The following RBPJ variants were observed in gnomAD, a reference collection of about 807,000 sequenced individuals.
RBPJ encodes the protein recombination signal binding protein for immunoglobulin kappa J region, also known as recombining binding protein suppressor of hairless.
A neutral mutation model predicts 67.8 loss-of-function variants in RBPJ; 9 were observed. The ratio of observed to expected loss-of-function variants is 0.13; its 90% CI spans 0.08 to 0.23. The LOEUF is 0.23. Among genes scored for constraint, RBPJ ranks in the 10% least tolerant of loss-of-function variants. The pLI is 1.00. For missense variants in RBPJ, 305 were observed against 595.6 expected (o/e 0.51, Z 5.08); for synonymous variants, 198 against 203.3 (o/e 0.97, Z 0.22).
chr4:26,144,610 A>C, the RBPJ span, among the ~76,000 whole-genome samples: 1 of 152,142 alleles, frequency 6.6e-6, no homozygotes, highest in Non-Finnish European at 1.5e-5. Context: ...AACCTTCTAA[A>C]TTCCAGAAAG....
chr4:26,270,441 A>AAAGAAAGAAAGAAAGAAAG (rs1577375958), intron 1 of RBPJ, among the ~76,000 whole-genome samples: 27 of 116,384 alleles, frequency 2.3e-4, no homozygotes, highest in South Asian at 5.5e-4. Context: ...AAGAAAGAAG[A>AAAGAAAGAAAGAAAGAAAG]AAGAAAGAAA....
At chr4:26,159,425 A>G (rs576860121), upstream of RBPJ, among the ~76,000 whole-genome samples, 22 of 152,286 alleles carry the variant, frequency 1.4e-4, no homozygotes, top group African/African-American at 3.6e-4. Flanking sequence ...CTTATTAACA[A>G]TGATTAGAAA....
intron 1 of RBPJ, among the ~76,000 whole-genome samples, chr4:26,297,581 C>A (rs115465874): frequency 6.6e-6 from 1 of 151,772 alleles, no homozygotes; most frequent in Non-Finnish European, 1.5e-5. Flanking sequence ...GTCCAAGTGG[C>A]GACTGGCTAA....
At chr4:26,388,604 ACTCTCTCTCT>A (rs60945391) in intron 2 of RBPJ, among the ~76,000 whole-genome samples, 1 of 150,182 alleles carries the variant, frequency 6.7e-6, no homozygotes, top group Non-Finnish European at 1.5e-5. Flanking sequence ...TTACACACAC[ACTCTCTCTCT>A]CTCTCTCTCT....
intron 1 of RBPJ, among the ~76,000 whole-genome samples, chr4:26,272,961 G>A (rs920916677): frequency 6.6e-6 from 1 of 152,198 alleles, no homozygotes; most frequent in Non-Finnish European, 1.5e-5. Context: ...TGGAATCCCT[G>A]TTAATACCTT....
rs145338952 is a variant in RBPJ, at chr4:26,245,328, C to G, written c.-167+81714C>G. On this transcript the variant is annotated intron_variant, in intron 1 of 4. Coordinates refer to the RBPJ transcript ENST00000512351. ...GGTTCAAGCAATTCTTCTGCCTCAG[C>G]CTCCTAAGTAGCTGAGACTACAGGC... Among the ~76,000 whole-genome samples, 721 of 151,716 alleles carry G rather than the reference C, an allele frequency of 4.8e-3. 4 individuals are homozygous for G. The highest frequency in any genetic ancestry group is 0.017 in the African/African-American group (693 of 41,330).
At chr4:26,148,542 T>C in the RBPJ span, among the ~76,000 whole-genome samples, 281 of 152,240 alleles carry the variant, frequency 1.8e-3, 1 homozygote, top group African/African-American at 6.4e-3. Flanking sequence ...CAAGTGAACA[T>C]GGCAGACAAC....
At chr4:26,353,040 G>A (rs566778777) in intron 1 of RBPJ, among the ~76,000 whole-genome samples, 5 of 152,296 alleles carry the variant, frequency 3.3e-5, no homozygotes, top group African/African-American at 9.6e-5. Context: ...AGCAAAACCC[G>A]GTGGAAAGTG....
intron 1 of RBPJ, among the ~76,000 whole-genome samples, chr4:26,358,610 C>CA (rs771623602): frequency 0.041 from 1,707 of 41,674 alleles, 31 homozygotes; most frequent in Admixed American, 0.06. Context: ...CCCATCTCTG[C>CA]AAAAAAAAAA....
At chr4:26,137,233 T>A in the RBPJ span, among the ~76,000 whole-genome samples, 4 of 152,154 alleles carry the variant, frequency 2.6e-5, no homozygotes, top group Non-Finnish European at 5.9e-5. Context: ...CTGGGATGTT[T>A]TCCCACCCCA....
intron 1 of RBPJ, among the ~76,000 whole-genome samples, chr4:26,338,745 T>G (rs941334764): frequency 6.6e-6 from 1 of 152,024 alleles, no homozygotes; most frequent in Non-Finnish European, 1.5e-5. Flanking sequence ...CGGCTAATTT[T>G]TGTATTTTTA....
At chr4:26,105,487 G>C in the RBPJ span, among the ~76,000 whole-genome samples, 1 of 152,094 alleles carries the variant, frequency 6.6e-6, no homozygotes, top group East Asian at 1.9e-4. Context: ...AATCTCAAGA[G>C]ATTCAGAAGC....
intron 1 of RBPJ, among the ~76,000 whole-genome samples, chr4:26,365,154 T>C (rs1437339012): frequency 1.3e-5 from 2 of 151,956 alleles, no homozygotes; most frequent in South Asian, 2.1e-4. Flanking sequence ...AGGAAGCCAG[T>C]GTCAGATTAA....
upstream of RBPJ, among the ~76,000 whole-genome samples, chr4:26,319,012 A>C (rs1411071707): frequency 2.0e-5 from 3 of 151,424 alleles, no homozygotes; most frequent in African/African-American, 7.3e-5. Flanking sequence ...AAAAAAAAAA[A>C]AAAAAAAAAG....
intron 3 of RBPJ, chr4:26,413,093 G>T (rs1321579174): frequency 6.6e-6 from 1 of 152,386 alleles, no homozygotes; most frequent in East Asian, 1.9e-4. Flanking sequence ...GGGCCTCCTT[G>T]GTCTACTTGT....
chr4:26,316,386 C>T (rs1260381740), upstream of RBPJ, among the ~76,000 whole-genome samples: 1 of 143,964 alleles, frequency 6.9e-6, no homozygotes, highest in Admixed American at 7.1e-5. Context: ...CATATATATA[C>T]ATTCATATAT....
intron 1 of RBPJ, among the ~76,000 whole-genome samples, chr4:26,283,373 C>T (rs1577387225): frequency 2.6e-5 from 4 of 151,716 alleles, no homozygotes; most frequent in Middle Eastern, 6.8e-3. Flanking sequence ...GGCCAAACCC[C>T]GTCTCTACTA....
At chr4:26,250,845 A>G (rs536568034) in intron 1 of RBPJ, among the ~76,000 whole-genome samples, 1 of 152,352 alleles carries the variant, frequency 6.6e-6, no homozygotes, top group African/African-American at 2.4e-5. Context: ...TTTTCAAGTC[A>G]GTATAAATAG....
intron 5 of RBPJ, 171 bp downstream of exon 5, chr4:26,420,896 A>T (rs1427937893): frequency 5.3e-6 from 3 of 563,614 alleles, no homozygotes; most frequent in Non-Finnish European, 9.2e-6. Flanking sequence ...TATGTGGTCT[A>T]ATGAAGCAGT....
Sources: gnomAD v4.1 joint callset for allele counts (sites outside exome capture counted in the v4.1 genomes callset) on GRCh38, gnomAD v4.1.1 for gene constraint, MANE v1.5 for transcripts, NCBI Gene and HGNC (gene_info 2026-07-23, HGNC 2026-07-21) for gene names.